Variants in PARD3 observed in about 807,000 individuals in gnomAD.
PARD3 encodes the protein partitioning defective 3 homolog.
In PARD3, 75 loss-of-function variants were observed where a neutral mutation model predicts 155.4. That is an observed-to-expected ratio of 0.48 (90% CI 0.40 to 0.58). The LOEUF (loss-of-function observed/expected upper bound fraction) is 0.58, where lower values mean the gene tolerates loss of function less well. Among genes scored for constraint, PARD3 ranks in the 20% least tolerant of loss-of-function variants. The pLI is 0.00. For synonymous variants in PARD3, 576 were observed against 610.5 expected (o/e 0.94, Z 0.83); for missense variants, 1,642 against 1,721.7 (o/e 0.95, Z 0.82).
At chr10:34,773,032 G>A (rs766583758) in intron 1 of PARD3, among the ~76,000 whole-genome samples, 6 of 151,920 alleles carry the variant, frequency 3.9e-5, no homozygotes, top group African/African-American at 1.2e-4. Context: ...AGAACCACAC[G>A]GCACACCAAA....
At chr10:34,578,716 A>C (rs773007518) in intron 2 of PARD3, among the ~76,000 whole-genome samples, 5 of 152,156 alleles carry the variant, frequency 3.3e-5, no homozygotes, top group Non-Finnish European at 7.3e-5. Flanking sequence ...AGCCCTTACC[A>C]AGCTATATTC....
At chr10:34,453,786 AGT>A (rs2077185686) in intron 4 of PARD3, among the ~76,000 whole-genome samples, 1 of 152,220 alleles carries the variant, frequency 6.6e-6, no homozygotes, top group Non-Finnish European at 1.5e-5. Context: ...TCTCCATGTA[AGT>A]CAATTATGAC....
intron 2 of PARD3, among the ~76,000 whole-genome samples, chr10:34,530,534 T>G (rs1564814550): frequency 1.3e-5 from 2 of 152,222 alleles, no homozygotes; most frequent in Non-Finnish European, 2.9e-5. Context: ...TCTCTGAGAC[T>G]GATATCTTGA....
At chr10:34,636,687 G>A (rs977410696) in intron 2 of PARD3, among the ~76,000 whole-genome samples, 1 of 152,186 alleles carries the variant, frequency 6.6e-6, no homozygotes, top group Non-Finnish European at 1.5e-5. Context: ...AATGGGCTCT[G>A]TCTCCACGTT....
chr10:34,311,729 T>C (rs61842460), intron 20 of PARD3, among the ~76,000 whole-genome samples: 11,260 of 150,896 alleles, frequency 0.075, 572 homozygotes, highest in Non-Finnish European at 0.1. Flanking sequence ...AGAAATTTAT[T>C]TTCCTACACC....
intron 22 of PARD3, among the ~76,000 whole-genome samples, chr10:34,208,597 C>A (rs559028390): frequency 6.6e-6 from 1 of 152,100 alleles, no homozygotes; most frequent in South Asian, 2.1e-4. Context: ...GGGTTAAGGA[C>A]GCAGAGAAGA....
chr10:34,716,262 C>A (rs1172979312), intron 1 of PARD3, among the ~76,000 whole-genome samples: 1 of 152,150 alleles, frequency 6.6e-6, no homozygotes, highest in Non-Finnish European at 1.5e-5. Context: ...AAGTTTAACA[C>A]AATGCATTAA....
At chr10:34,234,822 G>GT (rs974969457) in intron 22 of PARD3, among the ~76,000 whole-genome samples, 3 of 152,136 alleles carry the variant, frequency 2.0e-5, no homozygotes, top group Admixed American at 6.5e-5. Flanking sequence ...TCATTCTTAT[G>GT]TTTTTGTAAA....
At chr10:34,294,502 G>A (rs1956816971) in intron 20 of PARD3, among the ~76,000 whole-genome samples, 1 of 152,216 alleles carries the variant, frequency 6.6e-6, no homozygotes, top group African/African-American at 2.4e-5. Flanking sequence ...CTCATTATCT[G>A]TAAAGTTAAG....
At position 34,269,849 on chromosome 10, in the gene PARD3, T is replaced by G; in HGVS notation, c.3227A>C (p.Asp1076Ala). ...EFRERQARER[D>A]YAEIQDFHRT... Reference sequence around the variant, plus strand: ...ATGAAAATCTTGAATTTCAGCATAGTCACGCTCTCGAGCTTGTCGTTCCCT... The same window carrying G: ...ATGAAAATCTTGAATTTCAGCATAGGCACGCTCTCGAGCTTGTCGTTCCCT... Residue 1076 changes from aspartate (D) to alanine (A), a missense_variant, in exon 22 of 25, where the codon GAC becomes GCC. Coordinates refer to ENST00000374788, the MANE Select transcript of PARD3 (RefSeq NM_001184785.2). The G allele has an allele frequency of 6.2e-7, 1 of 1,613,938 alleles. No individual in the cohort carries two copies. Among genetic ancestry groups the G allele is most frequent in the Non-Finnish European group, 8.5e-7 (1 of 1,179,902 alleles).
chr10:34,738,825 A>C (rs939053122), intron 1 of PARD3, among the ~76,000 whole-genome samples: 4 of 152,210 alleles, frequency 2.6e-5, no homozygotes, highest in African/African-American at 9.6e-5. Context: ...ATAAGGGGAC[A>C]GAAGGGGTCA....
intron 1 of PARD3, among the ~76,000 whole-genome samples, chr10:34,800,598 G>A (rs1019105365): frequency 5.9e-5 from 9 of 152,072 alleles, no homozygotes; most frequent in South Asian, 2.1e-4. Flanking sequence ...GTGACAGAGC[G>A]AGACTCCATC....
intron 11 of PARD3, 25 bp from the exon 12 acceptor site, chr10:34,372,561 A>T: frequency 6.4e-7 from 1 of 1,573,640 alleles, no homozygotes; most frequent in Non-Finnish European, 8.7e-7. Context: ...GAAAAACATA[A>T]ATACAGACTG....
chr10:34,378,199 T>A (rs1291821919), intron 9 of PARD3, 93 bp from the exon 10 acceptor site: 2 of 907,626 alleles, frequency 2.2e-6, no homozygotes, highest in Non-Finnish European at 3.3e-6. Flanking sequence ...CAACTTGACA[T>A]TTTGTAACTT....
chr10:34,698,509 A>AC, intron 1 of PARD3, among the ~76,000 whole-genome samples: 1 of 151,512 alleles, frequency 6.6e-6, no homozygotes, highest in South Asian at 2.1e-4. Flanking sequence ...TGACCATCAC[A>AC]CCCCCAAAGC....
rs1842561145 is a variant in PARD3 at position 34,798,733 on chromosome 10, C to A, written c.120+16143G>T. Among the ~76,000 whole-genome samples the A allele has an allele frequency of 2.0e-5, 3 of 149,576 alleles. No homozygotes were observed. In the South Asian group the frequency reaches 6.3e-4, roughly 31 times the overall value. On this transcript the variant is annotated intron_variant, in intron 1 of 24. Transcript: ENST00000374788. ...AAAAAAAAAAAAAAACCCACACATA[C>A]AGGCTGATCCACTGTCACACAAGTG...
At chr10:34,182,953 C>A (rs1333453695) in intron 22 of PARD3, among the ~76,000 whole-genome samples, 1 of 152,128 alleles carries the variant, frequency 6.6e-6, no homozygotes, top group Non-Finnish European at 1.5e-5. Context: ...TTTCAATTAT[C>A]CTAACATCTA....
At chr10:34,178,107 T>C (rs1422814716) in intron 22 of PARD3, among the ~76,000 whole-genome samples, 1 of 152,166 alleles carries the variant, frequency 6.6e-6, no homozygotes, top group African/African-American at 2.4e-5. Flanking sequence ...GTAACCTAAT[T>C]GGAATAACAC....
At chr10:34,150,689 G>T (rs1426695361) in intron 22 of PARD3, among the ~76,000 whole-genome samples, 1 of 152,172 alleles carries the variant, frequency 6.6e-6, no homozygotes, top group East Asian at 1.9e-4. Flanking sequence ...GAATACCTGG[G>T]CTATGGCAGG....
Sources: gnomAD v4.1 joint callset for allele counts (sites outside exome capture counted in the v4.1 genomes callset) on GRCh38, gnomAD v4.1.1 for gene constraint, MANE v1.5 for transcripts, NCBI Gene and HGNC (gene_info 2026-07-23, HGNC 2026-07-21) for gene names.